The following SDK1 variants were observed in gnomAD, a reference collection of about 807,000 sequenced individuals.
The protein encoded by SDK1 is protein sidekick-1.
Under a neutral mutation model 245.5 loss-of-function variants are expected in SDK1, and 157 were observed. That is an observed-to-expected ratio of 0.64 (90% CI 0.56 to 0.73). The LOEUF is 0.73. Ranked by LOEUF, SDK1 falls within the 30% of genes least tolerant of loss-of-function variation. The probability of loss-of-function intolerance (pLI) is 0.00; values close to 1 mark genes in which losing one functional copy is unlikely to be tolerated. For synonymous variants in SDK1, 1,647 were observed against 1,278.5 expected, an observed-to-expected ratio of 1.29 and a Z score of -6.15; for missense variants, 3,583 against 3,002.3, an observed-to-expected ratio of 1.19 and a Z score of -4.52.
chr7:3,859,707 T>C (rs1416362285), intron 5 of SDK1, among the ~76,000 whole-genome samples: 1 of 152,188 alleles, frequency 6.6e-6, no homozygotes, highest in East Asian at 1.9e-4. Context: ...CAGATGCTCA[T>C]TGGCTGAAAG....
intron 17 of SDK1, among the ~76,000 whole-genome samples, chr7:4,036,571 G>C (rs13438192): frequency 6.6e-6 from 1 of 152,118 alleles, no homozygotes; most frequent in Non-Finnish European, 1.5e-5. Context: ...ACACGTACAC[G>C]TTAGTATATG....
At chr7:3,856,431 C>G (rs947975400) in intron 5 of SDK1, among the ~76,000 whole-genome samples, 2 of 133,900 alleles carry the variant, frequency 1.5e-5, no homozygotes, top group African/African-American at 5.6e-5. Flanking sequence ...TTTTGACTAA[C>G]AAGACTAACT....
chr7:3,785,113 A>G (rs1484858372), intron 4 of SDK1, among the ~76,000 whole-genome samples: 2 of 152,216 alleles, frequency 1.3e-5, no homozygotes, highest in African/African-American at 2.4e-5. Context: ...CAGAAAGACA[A>G]ATATCACACA....
chr7:4,235,223 G>T (rs950034429), intron 41 of SDK1, among the ~76,000 whole-genome samples: 9 of 150,592 alleles, frequency 6.0e-5, no homozygotes, highest in African/African-American at 2.2e-4. Flanking sequence ...GGAGTGCAGT[G>T]GCGTGATCTT....
chr7:3,710,685 G>A (rs1413180985), intron 4 of SDK1, among the ~76,000 whole-genome samples: 1 of 152,218 alleles, frequency 6.6e-6, no homozygotes, highest in African/African-American at 2.4e-5. Flanking sequence ...AACCACAGTT[G>A]TGTTATCACT....
At chr7:3,360,011 T>G (rs1780910942) in intron 1 of SDK1, among the ~76,000 whole-genome samples, 1 of 152,184 alleles carries the variant, frequency 6.6e-6, no homozygotes, top group Non-Finnish European at 1.5e-5. Flanking sequence ...AACACTTTGT[T>G]TTGCTTCTGG....
At chr7:4,158,196 G>A (rs17134422) in intron 30 of SDK1, among the ~76,000 whole-genome samples, 163 of 152,286 alleles carry the variant, frequency 1.1e-3, no homozygotes, top group African/African-American at 3.6e-3. Context: ...GATTTCAACC[G>A]TCCAGGTGTT....
At chr7:3,643,006 CTG>C in intron 4 of SDK1, 1 of 152,380 alleles carries the variant, frequency 6.6e-6, no homozygotes, top group East Asian at 1.9e-4. Context: ...TTACATCTAA[CTG>C]TGAAAGTCAC....
At chr7:4,165,919 T>G (rs1423011908) in intron 32 of SDK1, among the ~76,000 whole-genome samples, 1 of 152,116 alleles carries the variant, frequency 6.6e-6, no homozygotes, top group Non-Finnish European at 1.5e-5. Context: ...CCCCAGTGTC[T>G]AGGACTACAG....
intron 32 of SDK1, among the ~76,000 whole-genome samples, chr7:4,172,842 T>C (rs112384009): frequency 5.1e-4 from 78 of 152,336 alleles, no homozygotes; most frequent in African/African-American, 1.8e-3. Flanking sequence ...TCCCCCTGTG[T>C]GTCCTGTGTC....
intron 5 of SDK1, among the ~76,000 whole-genome samples, chr7:3,833,154 C>G (rs758165490): frequency 6.6e-6 from 1 of 152,046 alleles, no homozygotes; most frequent in Non-Finnish European, 1.5e-5. Flanking sequence ...AAGTGCGGAA[C>G]TCTAGAGAAG....
At chr7:3,792,830 A>C (rs1185483976) in intron 4 of SDK1, among the ~76,000 whole-genome samples, 1 of 152,058 alleles carries the variant, frequency 6.6e-6, no homozygotes, top group African/African-American at 2.4e-5. Flanking sequence ...GAGCTTGTTG[A>C]CTTAACATCA....
At chr7:4,254,398 T>C (rs899529388) in intron 44 of SDK1, among the ~76,000 whole-genome samples, 1 of 152,216 alleles carries the variant, frequency 6.6e-6, no homozygotes, top group African/African-American at 2.4e-5. Flanking sequence ...AAGTCTACTA[T>C]TGAGCCTATC....
intron 5 of SDK1, among the ~76,000 whole-genome samples, chr7:3,866,843 G>A (rs1022384978): frequency 3.9e-5 from 6 of 152,164 alleles, no homozygotes; most frequent in African/African-American, 1.4e-4. Context: ...GGACTTTGAT[G>A]TCCAGGCTGA....
intron 1 of SDK1, among the ~76,000 whole-genome samples, chr7:3,488,665 T>G (rs1420909895): frequency 1.3e-5 from 2 of 152,188 alleles, no homozygotes; most frequent in East Asian, 3.9e-4. Context: ...GAAAATGGCT[T>G]GAATAGAAAG....
chr7:3,813,397 T>C (rs1165875476), intron 4 of SDK1, among the ~76,000 whole-genome samples: 1 of 146,326 alleles, frequency 6.8e-6, no homozygotes, highest in Admixed American at 6.9e-5. Context: ...TTACTGAGAA[T>C]GATGATTTCC....
rs115888059 is a variant in SDK1 at position 3,473,272 on chromosome 7, G to A, written c.299-145808G>A. On this transcript the variant is annotated intron_variant, in intron 1 of 44. Transcript: ENST00000404826. ...TCACTGTACACACTGCCTCTTAGAA[G>A]GCTGGTTCCACCCCAAATCCTTTCC... is the stretch of plus-strand genomic sequence containing the variant. Among the ~76,000 whole-genome samples the A allele has an allele frequency of 5.1e-3, 782 of 152,274 alleles. 6 individuals are homozygous for A. Among genetic ancestry groups the A allele is most frequent in the African/African-American group, 0.018 (745 of 41,544 alleles).
chr7:3,676,611 C>T (rs551053196), intron 4 of SDK1, among the ~76,000 whole-genome samples: 4 of 152,164 alleles, frequency 2.6e-5, no homozygotes, highest in Non-Finnish European at 5.9e-5. Flanking sequence ...AGGCGTGAGC[C>T]ACCACGCCTT....
Position 3,950,983 on chromosome 7 carries a change from G to T in SDK1, c.908G>T (p.Ser303Ile). ...PTIVVPPGNR[S>I]VVAGSSETTL... Reference sequence around the variant, plus strand: ...ATTGTGGTTCCCCCGGGCAACAGAAGTGTGGTGGCTGGATCCAGTGAGACC... The same window carrying T: ...ATTGTGGTTCCCCCGGGCAACAGAATTGTGGTGGCTGGATCCAGTGAGACC... The change falls in exon 6 of 45, where the codon AGT (serine) becomes ATT (isoleucine). Residue 303 changes from serine (S) to isoleucine (I), a missense_variant. Ser to Ile is a moderately radical substitution (Grantham distance 142). Coordinates refer to ENST00000404826, the MANE Select transcript of SDK1 (RefSeq NM_152744.4). The T allele has an allele frequency of 6.2e-7, 1 of 1,614,158 alleles. No homozygotes were observed. Among genetic ancestry groups the T allele is most frequent in the Non-Finnish European group, 8.5e-7 (1 of 1,180,032 alleles).
Sources: gnomAD v4.1 joint callset for allele counts (sites outside exome capture counted in the v4.1 genomes callset) on GRCh38, gnomAD v4.1.1 for gene constraint, MANE v1.5 for transcripts, NCBI Gene and HGNC (gene_info 2026-07-23, HGNC 2026-07-21) for gene names.